MAGI1: variants seen among roughly 807,000 people sequenced by gnomAD.
MAGI1 encodes membrane-associated guanylate kinase, WW and PDZ domain-containing protein 1.
MAGI1 carries 58 observed loss-of-function variants against 139.9 expected under a neutral mutation model. The observed-to-expected ratio is 0.41, with a 90% CI of 0.34 to 0.52. The LOEUF (loss-of-function observed/expected upper bound fraction) is 0.52. MAGI1 is among the 20% of genes least tolerant of loss of function. MAGI1 has a pLI of 0.12. For synonymous variants in MAGI1, 812 were observed against 737.9 expected (o/e 1.10, Z -1.63); for missense variants, 1,874 against 1,901.6 (o/e 0.99, Z 0.27).
At chr3:65,783,103 T>C (rs57682463) in intron 1 of MAGI1, among the ~76,000 whole-genome samples, 6,285 of 151,772 alleles carry the variant, frequency 0.041, 227 homozygotes, top group African/African-American at 0.099. Flanking sequence ...GGCAACCTAC[T>C]GGGGGAAATA....
At chr3:65,955,160 AG>A (rs1246235053) in intron 1 of MAGI1, among the ~76,000 whole-genome samples, 1 of 152,086 alleles carries the variant, frequency 6.6e-6, no homozygotes, top group Non-Finnish European at 1.5e-5. Flanking sequence ...GACAGGGAGG[AG>A]GGGGGAAGCG....
At chr3:65,846,116 A>G (rs1247392196) in intron 1 of MAGI1, among the ~76,000 whole-genome samples, 2 of 152,236 alleles carry the variant, frequency 1.3e-5, no homozygotes, top group South Asian at 2.1e-4. Flanking sequence ...GTGCGTGGGT[A>G]GACATACACA....
rs150558585 is a variant in MAGI1, at chr3:65,991,264, G to A, written c.313+46732C>T. Among the ~76,000 whole-genome samples, 3 of 136,530 alleles carry A rather than the reference G, an allele frequency of 2.2e-5. No individual in the cohort carries two copies. The East Asian group carries it at 6.6e-4, about 30-fold the overall frequency. The allele number at this position is 136,530 out of a possible 152,430, so 89.6% of individuals were successfully genotyped here. ...AGATCTGCCACTGCACTCCAGTCTG[G>A]GCGACAGAGCGAGAGACTCTGTCTA... On this transcript the variant is annotated intron_variant, in intron 1 of 22. Transcript: ENST00000402939.
chr3:65,794,945 A>G (rs1448294626), intron 1 of MAGI1, among the ~76,000 whole-genome samples: 2 of 152,190 alleles, frequency 1.3e-5, no homozygotes, highest in African/African-American at 2.4e-5. Context: ...AAATAAGCAC[A>G]TGAAAAGATG....
At chr3:65,378,830 C>CACT (rs1460086350) in intron 17 of MAGI1, among the ~76,000 whole-genome samples, 2 of 152,086 alleles carry the variant, frequency 1.3e-5, no homozygotes, top group Non-Finnish European at 2.9e-5. Context: ...TACAGGCATG[C>CACT]ACTACCACGC....
chr3:65,584,962 C>T (rs569881323), intron 2 of MAGI1, among the ~76,000 whole-genome samples: 66 of 152,310 alleles, frequency 4.3e-4, no homozygotes, highest in African/African-American at 1.3e-3. Context: ...GAAAGGCAGA[C>T]GGGCCAAATT....
intron 4 of MAGI1, among the ~76,000 whole-genome samples, chr3:65,475,641 G>A (rs188155673): frequency 1.2e-4 from 18 of 152,154 alleles, no homozygotes; most frequent in African/African-American, 4.3e-4. Context: ...TTTCTCAAGG[G>A]CTCTTTTTAG....
At chr3:65,364,165 TAAAAAAAAAA>T (rs555186167) in intron 20 of MAGI1, among the ~76,000 whole-genome samples, 4 of 89,422 alleles carry the variant, frequency 4.5e-5, no homozygotes, top group African/African-American at 9.0e-5. Context: ...CCCTGTCTCT[TAAAAAAAAAA>T]AAAAAAAAAA....
At chr3:65,870,736 A>C (rs1332678981) in intron 1 of MAGI1, among the ~76,000 whole-genome samples, 1 of 151,296 alleles carries the variant, frequency 6.6e-6, no homozygotes, top group African/African-American at 2.4e-5. Flanking sequence ...AAAAAGAAAG[A>C]ATGAAAAGGA....
At chr3:65,534,909 T>A (rs554166089) in intron 2 of MAGI1, among the ~76,000 whole-genome samples, 217 of 152,274 alleles carry the variant, frequency 1.4e-3, no homozygotes, top group African/African-American at 4.9e-3. Flanking sequence ...TTCAACCCCA[T>A]CACCATGGCA....
chr3:65,841,154 A>G (rs1026886732), intron 1 of MAGI1, among the ~76,000 whole-genome samples: 6 of 152,112 alleles, frequency 3.9e-5, no homozygotes, highest in Non-Finnish European at 8.8e-5. Flanking sequence ...TTTTATATTA[A>G]TAATTTGTAT....
intron 2 of MAGI1, among the ~76,000 whole-genome samples, chr3:65,601,460 A>G (rs2106840852): frequency 6.6e-6 from 1 of 152,310 alleles, no homozygotes; most frequent in East Asian, 1.9e-4. Flanking sequence ...TTTATTAGAG[A>G]ATAAGAGAGA....
chr3:65,849,237 C>G (rs2059120208), intron 1 of MAGI1, among the ~76,000 whole-genome samples: 3 of 150,758 alleles, frequency 2.0e-5, no homozygotes, highest in Admixed American at 2.0e-4. Context: ...GTTGGCCAGG[C>G]TAGTTTTGAA....
intron 2 of MAGI1, among the ~76,000 whole-genome samples, chr3:65,534,459 C>T (rs1372705974): frequency 6.6e-6 from 1 of 152,064 alleles, no homozygotes; most frequent in Non-Finnish European, 1.5e-5. Flanking sequence ...TGCTGCACTC[C>T]AGCCTCGGTG....
chr3:65,912,168 A>G (rs2061697238), intron 1 of MAGI1, among the ~76,000 whole-genome samples: 1 of 151,752 alleles, frequency 6.6e-6, no homozygotes. Context: ...CAATCTTGAA[A>G]GCTATTTAAG....
At chr3:65,678,973 TG>T (rs1289554279) in intron 1 of MAGI1, among the ~76,000 whole-genome samples, 8 of 152,212 alleles carry the variant, frequency 5.3e-5, no homozygotes, top group Non-Finnish European at 1.2e-4. Flanking sequence ...ACTTGAATAA[TG>T]GGCGTAAATA....
At chr3:65,485,065 C>T (rs1390313934) in intron 3 of MAGI1, among the ~76,000 whole-genome samples, 1 of 152,158 alleles carries the variant, frequency 6.6e-6, no homozygotes, top group African/African-American at 2.4e-5. Context: ...AGATAGTGCA[C>T]ATGAATTCCA....
chr3:65,558,577 T>G (rs6787045), intron 2 of MAGI1, among the ~76,000 whole-genome samples: 89,183 of 151,964 alleles, frequency 0.59, 26,439 homozygotes, highest in East Asian at 0.81. Context: ...TCAAATTCAG[T>G]TATTATGGTA....
At chr3:65,923,068 T>C (rs2062299488) in intron 1 of MAGI1, among the ~76,000 whole-genome samples, 1 of 152,190 alleles carries the variant, frequency 6.6e-6, no homozygotes, top group Non-Finnish European at 1.5e-5. Context: ...GATTATTCCA[T>C]ACTGGCCTGC....
Sources: gnomAD v4.1 joint callset for allele counts (sites outside exome capture counted in the v4.1 genomes callset) on GRCh38, gnomAD v4.1.1 for gene constraint, MANE v1.5 for transcripts, NCBI Gene and HGNC (gene_info 2026-07-23, HGNC 2026-07-21) for gene names.